Variants in ASB3 observed in about 807,000 individuals in gnomAD.
The protein encoded by ASB3 is ankyrin repeat and SOCS box containing 3.
ASB3 carries 41 observed loss-of-function variants against 54.5 expected under a neutral mutation model. The ratio of observed to expected loss-of-function variants is 0.75; its 90% CI spans 0.59 to 0.98. ASB3 has a LOEUF of 0.98. Among genes scored for constraint, ASB3 ranks in the 50% least tolerant of loss-of-function variants. The pLI, the probability that ASB3 is intolerant of heterozygous loss-of-function variation, is 0.00. For missense variants in ASB3, 733 were observed against 620.0 expected (o/e 1.18, Z -1.94); for synonymous variants, 266 against 221.2 (o/e 1.20, Z -1.80).
Position 53,703,460 on chromosome 2 carries a change from A to T in ASB3, c.981-2932T>A, listed in dbSNP as rs112323087. ...AGTTGAATTAGCTGAAAAAATAATA[A>T]GGAAGAGAAAACTTAAAACCTGGGG... On this transcript the variant is annotated intron_variant, in intron 7 of 9. Transcript: ENST00000263634. Among the ~76,000 whole-genome samples, 1,128 of 152,312 alleles carry T rather than the reference A, an allele frequency of 7.4e-3. 18 individuals carry two copies. The highest frequency in any genetic ancestry group is 0.026 in the African/African-American group (1,077 of 41,566).
At position 53,748,093 on chromosome 2, in the gene ASB3, C is replaced by T. The variant is rs535593636; in HGVS notation, c.355+2690G>A. ...TGTAAAAGTGGGAATAATAATAGTA[C>T]ATGTCTCAGAATCACAGTGAAGATC... On this transcript the variant is annotated intron_variant, in intron 3 of 9. Transcript: ENST00000263634. 1.2e-4 allele frequency among the ~76,000 whole-genome samples: 18 copies of T among 152,256 alleles called. No homozygotes were observed. The South Asian group carries it at 3.3e-3, about 28-fold the overall frequency.
intron 7 of ASB3, among the ~76,000 whole-genome samples, chr2:53,713,488 C>G (rs936126793): frequency 2.0e-5 from 3 of 152,184 alleles, no homozygotes; most frequent in African/African-American, 7.2e-5. Flanking sequence ...GTGTTATAGA[C>G]AAAGTTACTG....
At chr2:53,768,902 G>A (rs1673689847) in intron 1 of ASB3, among the ~76,000 whole-genome samples, 1 of 152,218 alleles carries the variant, frequency 6.6e-6, no homozygotes, top group Non-Finnish European at 1.5e-5. Context: ...ATTGGTCAAT[G>A]GAAAGTGGAA....
intron 9 of ASB3, among the ~76,000 whole-genome samples, chr2:53,684,818 G>A (rs1348644065): frequency 2.6e-5 from 4 of 152,318 alleles, no homozygotes; most frequent in Non-Finnish European, 2.9e-5. Flanking sequence ...GACCCTTAAT[G>A]TAGCCAATAT....
intron 9 of ASB3, among the ~76,000 whole-genome samples, chr2:53,672,835 C>T (rs1378032209): frequency 2.6e-5 from 4 of 152,124 alleles, no homozygotes; most frequent in African/African-American, 9.7e-5. Context: ...GTTGTTGTAG[C>T]CACGTCTAAT....
intron 6 of ASB3, 52 bp from the exon 7 acceptor site, chr2:53,714,633 G>A (rs1051887039): frequency 1.3e-5 from 20 of 1,569,282 alleles, no homozygotes; most frequent in Middle Eastern, 1.7e-4. Context: ...GTGCATAAAT[G>A]TAGGCAACAT....
intron 1 of ASB3, among the ~76,000 whole-genome samples, chr2:53,777,673 A>G (rs1398005469): frequency 6.6e-6 from 1 of 152,236 alleles, no homozygotes; most frequent in Non-Finnish European, 1.5e-5. Flanking sequence ...AATACACATT[A>G]AACGTTGAAC....
intron 6 of ASB3, among the ~76,000 whole-genome samples, chr2:53,715,214 T>C (rs2103838819): frequency 6.6e-6 from 1 of 152,246 alleles, no homozygotes; most frequent in African/African-American, 2.4e-5. Context: ...AAAACAAAAG[T>C]TCTTAGGTTA....
intron 1 of ASB3, among the ~76,000 whole-genome samples, chr2:53,770,498 T>TAAAA (rs76201682): frequency 2.7e-5 from 3 of 110,548 alleles, no homozygotes; most frequent in African/African-American, 6.8e-5. Flanking sequence ...GAAGTTTATT[T>TAAAA]AAAAAAAAAA....
At position 53,714,419 on chromosome 2, in the gene ASB3, T is replaced by A. The variant is rs1476355624; in HGVS notation, c.945A>T (p.Gly315=). ...AAGCCATGCACACAGGAGAACTGAA[T>A]CCAAAAACAAGGCACGCCTGGGCGT... ...SPDAQACLVF[G]FSSPVCMAFQ... The change falls in exon 7 of 10, where the codon GGA becomes GGT. Residue 315 remains glycine (G), a synonymous_variant. Transcript: ENST00000263634. 1.2e-6 allele frequency: 2 copies of A among 1,614,194 alleles called. No individual in the cohort carries two copies. Among genetic ancestry groups the A allele is most frequent in the Non-Finnish European group, 1.7e-6 (2 of 1,180,020 alleles).
intron 3 of ASB3, among the ~76,000 whole-genome samples, chr2:53,730,215 T>A (rs963996628): frequency 1.3e-5 from 2 of 152,106 alleles, no homozygotes; most frequent in African/African-American, 4.8e-5. Flanking sequence ...AGCACGAAGT[T>A]AATGAAAAAC....
At chr2:53,720,033 C>T (rs1572903060) in intron 5 of ASB3, among the ~76,000 whole-genome samples, 1 of 152,226 alleles carries the variant, frequency 6.6e-6, no homozygotes, top group East Asian at 1.9e-4. Flanking sequence ...CAAGGAATTT[C>T]CCTGTGGACG....
chr2:53,722,890 A>G (rs988351811), intron 5 of ASB3, among the ~76,000 whole-genome samples: 11 of 152,208 alleles, frequency 7.2e-5, no homozygotes, highest in Non-Finnish European at 7.3e-5. Context: ...GGAAAAGAAG[A>G]AGTCAAACAA....
intron 2 of ASB3, among the ~76,000 whole-genome samples, chr2:53,754,037 G>A (rs1672678439): frequency 6.6e-6 from 1 of 152,086 alleles, no homozygotes; most frequent in African/African-American, 2.4e-5. Flanking sequence ...CATACAAAGA[G>A]TCGGAGCACA....
At chr2:53,758,702 T>A (rs1424614262) in intron 2 of ASB3, among the ~76,000 whole-genome samples, 1 of 151,872 alleles carries the variant, frequency 6.6e-6, no homozygotes. Flanking sequence ...TAAGCAGAGG[T>A]CCATGGGTAG....
chr2:53,765,397 A>C lies in ASB3; in HGVS notation c.176T>G (p.Leu59Trp). 6.2e-7 allele frequency: 1 copy of C among 1,614,236 alleles called. No homozygotes were observed. The highest frequency in any genetic ancestry group is 1.3e-5 in the African/African-American group (1 of 75,072). ...TTTACCTGCATTAATTAACATTTGC[A>C]AACATTCTACAGAGTTGTGATAAGC... ...EAAYHNSVEC[L>W]QMLINADSSE... The change falls in exon 2 of 10, where the codon TTG (leucine) becomes TGG (tryptophan). Residue 59 changes from leucine to tryptophan, a missense_variant. Leu to Trp is a moderately conservative substitution (Grantham distance 61). Transcript: ENST00000263634.
chr2:53,670,490 T>C lies in ASB3; in HGVS notation c.*13A>G, dbSNP rs1428824024. Reference sequence around the variant, plus strand: ...AGAGAAAAAAATTAGCTGTGTTAAGTAGTTTCACTGATTTATCCATCTTGA... The same window carrying C: ...AGAGAAAAAAATTAGCTGTGTTAAGCAGTTTCACTGATTTATCCATCTTGA... On this transcript the variant is annotated 3_prime_UTR_variant, in exon 10 of 10. Coordinates refer to ENST00000263634, the MANE Select transcript of ASB3 (RefSeq NM_016115.5). 2.5e-6 allele frequency: 4 copies of C among 1,610,624 alleles called. No individual in the cohort carries two copies. The highest frequency in any genetic ancestry group is 3.4e-6 in the Non-Finnish European group (4 of 1,179,282).
intron 1 of ASB3, among the ~76,000 whole-genome samples, chr2:53,771,012 A>G (rs1056200524): frequency 3.3e-5 from 5 of 152,216 alleles, no homozygotes; most frequent in African/African-American, 1.2e-4. Flanking sequence ...TTCTTAAAGT[A>G]TGAGCCCCAG....
intron 6 of ASB3, 37 bp from the exon 7 acceptor site, chr2:53,714,618 T>C: frequency 1.2e-6 from 2 of 1,601,116 alleles, no homozygotes; most frequent in South Asian, 1.1e-5. Context: ...TTAGTGTTTG[T>C]ATATGTGCAT....
Sources: gnomAD v4.1 joint callset for allele counts (sites outside exome capture counted in the v4.1 genomes callset) on GRCh38, gnomAD v4.1.1 for gene constraint, MANE v1.5 for transcripts, NCBI Gene and HGNC (gene_info 2026-07-23, HGNC 2026-07-21) for gene names.